Variants in RGS6 observed in about 807,000 individuals in gnomAD.
RGS6 encodes regulator of G protein signaling 6.
A neutral mutation model predicts 78.5 loss-of-function variants in RGS6; 30 were observed. The ratio of observed to expected loss-of-function variants is 0.38; its 90% confidence interval spans 0.29 to 0.52. RGS6 has a LOEUF of 0.52. Ranked by LOEUF, RGS6 falls within the 20% of genes least tolerant of loss-of-function variation. The pLI is 0.85. For missense variants in RGS6, 495 were observed against 609.7 expected (o/e 0.81, Z 1.98); for synonymous variants, 206 against 206.0 (o/e 1.00, Z 0.00).
intron 2 of RGS6, among the ~76,000 whole-genome samples, chr14:72,042,205 G>T (rs1211070639): frequency 6.8e-6 from 1 of 146,668 alleles, no homozygotes. Flanking sequence ...TCAGTTTACC[G>T]CAACCTCTGC....
the RGS6 span, among the ~76,000 whole-genome samples, chr14:72,573,846 T>A: frequency 1.3e-5 from 2 of 152,140 alleles, no homozygotes; most frequent in Admixed American, 1.3e-4. Context: ...TACACACACA[T>A]GCACGTGCAC....
At chr14:72,506,983 C>CA in intron 13 of RGS6, among the ~76,000 whole-genome samples, 1 of 21,026 alleles carries the variant, frequency 4.8e-5, no homozygotes, top group Non-Finnish European at 9.9e-5. Flanking sequence ...CCTGTCTCTA[C>CA]TAAAAAAAAA....
intron 11 of RGS6, chr14:72,477,179 G>T: frequency 4.0e-6 from 1 of 247,324 alleles, no homozygotes; most frequent in East Asian, 1.1e-4. Flanking sequence ...TAATTGGAAT[G>T]CACCAGCTCA....
intron 1 of RGS6, among the ~76,000 whole-genome samples, chr14:71,961,000 G>T (rs2093153962): frequency 1.3e-5 from 2 of 152,126 alleles, no homozygotes; most frequent in Admixed American, 1.3e-4. Context: ...ATATCCCCAG[G>T]GCCTAGCATG....
chr14:72,139,571 G>GA (rs140522980), intron 2 of RGS6, among the ~76,000 whole-genome samples: 3 of 151,934 alleles, frequency 2.0e-5, no homozygotes, highest in South Asian at 4.2e-4. Context: ...AAGCAAAGAA[G>GA]AAAAAAAATA....
chr14:72,057,313 G>GGA (rs1344219538), intron 2 of RGS6, among the ~76,000 whole-genome samples: 39 of 56,168 alleles, frequency 6.9e-4, no homozygotes, highest in African/African-American at 2.2e-3. Context: ...GACTCTATCT[G>GGA]AAAAAAAAAA....
intron 3 of RGS6, among the ~76,000 whole-genome samples, chr14:72,451,778 G>A (rs1231798314): frequency 6.6e-6 from 1 of 151,934 alleles, no homozygotes; most frequent in African/African-American, 2.4e-5. Context: ...TTTTGAGACA[G>A]CGTCTCACTC....
intron 2 of RGS6, among the ~76,000 whole-genome samples, chr14:72,127,687 A>G (rs1052688709): frequency 2.0e-5 from 3 of 152,152 alleles, no homozygotes; most frequent in African/African-American, 7.2e-5. Context: ...TAGCGTTAGC[A>G]TTTACCCTGT....
At chr14:72,378,684 T>C (rs1170365802) in intron 3 of RGS6, among the ~76,000 whole-genome samples, 1 of 152,030 alleles carries the variant, frequency 6.6e-6, no homozygotes, top group Non-Finnish European at 1.5e-5. Flanking sequence ...AGTAATAAGA[T>C]TAAATCAGTA....
intron 2 of RGS6, among the ~76,000 whole-genome samples, chr14:72,157,891 G>A (rs1000131444): frequency 1.3e-5 from 2 of 151,322 alleles, no homozygotes; most frequent in Non-Finnish European, 2.9e-5. Context: ...TGTGCAGAAC[G>A]TGCAGGTTTG....
the RGS6 span, among the ~76,000 whole-genome samples, chr14:72,596,408 C>T: frequency 3.9e-5 from 6 of 152,194 alleles, no homozygotes; most frequent in African/African-American, 1.4e-4. Context: ...GCTGATTTAG[C>T]AACCTTAGTT....
intron 3 of RGS6, among the ~76,000 whole-genome samples, chr14:72,376,021 A>C (rs2084625531): frequency 6.6e-6 from 1 of 152,198 alleles, no homozygotes; most frequent in Non-Finnish European, 1.5e-5. Context: ...AACCCCAATC[A>C]TAAGGAAATA....
chr14:72,183,008 A>G (rs889407646), intron 2 of RGS6, among the ~76,000 whole-genome samples: 2 of 152,220 alleles, frequency 1.3e-5, no homozygotes, highest in Non-Finnish European at 2.9e-5. Context: ...GCCACATGGT[A>G]AGGTCCCAGA....
intron 3 of RGS6, among the ~76,000 whole-genome samples, chr14:72,423,588 T>C (rs911721789): frequency 6.2e-4 from 94 of 151,644 alleles, no homozygotes; most frequent in Non-Finnish European, 1.2e-4. Context: ...CTCAATACTA[T>C]GTGTTCTCAC....
intron 15 of RGS6, among the ~76,000 whole-genome samples, chr14:72,527,797 A>C (rs2097136558): frequency 6.6e-6 from 1 of 152,218 alleles, no homozygotes. Flanking sequence ...CATTCTGTCC[A>C]CACAGCCTCA....
At chr14:72,346,557 G>A (rs2078100180) in intron 2 of RGS6, among the ~76,000 whole-genome samples, 1 of 152,192 alleles carries the variant, frequency 6.6e-6, no homozygotes, top group African/African-American at 2.4e-5. Flanking sequence ...ACAACATGGA[G>A]AGGAAGATCT....
chr14:72,312,679 T>C (rs1436876891), intron 2 of RGS6, among the ~76,000 whole-genome samples: 1 of 152,208 alleles, frequency 6.6e-6, no homozygotes, highest in Non-Finnish European at 1.5e-5. Flanking sequence ...AGGTAGCTCA[T>C]GCGTCGACAG....
chr14:72,553,124 A>ATAT (rs1258849223), intron 17 of RGS6, among the ~76,000 whole-genome samples: 2 of 152,214 alleles, frequency 1.3e-5, no homozygotes, highest in Non-Finnish European at 2.9e-5. Context: ...TATGGTGTGC[A>ATAT]TATAACCATA....
chr14:72,286,980 C>T lies in RGS6; in HGVS notation c.85-65115C>T, dbSNP rs2062684104. Reference sequence around the variant, plus strand: ...TGTGTTTTTAGTAGAGACGGGGTTTCACCATGTTGGCCAGGCTGGTCTCAA... The same window carrying T: ...TGTGTTTTTAGTAGAGACGGGGTTTTACCATGTTGGCCAGGCTGGTCTCAA... On this transcript the variant is annotated intron_variant, in intron 2 of 17. Transcript: ENST00000553525. Among the ~76,000 whole-genome samples, 3 of 152,276 alleles carry T rather than the reference C, an allele frequency of 2.0e-5. No homozygotes were observed. The South Asian group carries it at 6.2e-4, about 32-fold the overall frequency.
Sources: allele counts gnomAD v4.1 joint callset (sites outside exome capture counted in the v4.1 genomes callset), GRCh38; gene constraint gnomAD v4.1.1; transcripts MANE v1.5; gene names NCBI Gene and HGNC (gene_info 2026-07-23, HGNC 2026-07-21).